The following NKAIN2 variants were observed in gnomAD, a reference collection of about 807,000 sequenced individuals.
NKAIN2 encodes sodium/potassium-transporting ATPase subunit beta-1-interacting protein 2.
A neutral mutation model predicts 32.6 loss-of-function variants in NKAIN2; 14 were observed. That is an observed-to-expected ratio of 0.43 (90% confidence interval 0.28 to 0.67). The LOEUF is 0.67. Ranked by LOEUF, NKAIN2 falls within the 30% of genes least tolerant of loss-of-function variation. The pLI, the probability that NKAIN2 is intolerant of heterozygous loss-of-function variation, is 0.17. For missense variants in NKAIN2, 198 were observed against 258.3 expected, an observed-to-expected ratio of 0.77 and a Z score of 1.60; for synonymous variants, 80 against 87.2, an observed-to-expected ratio of 0.92 and a Z score of 0.46.
At chr6:123,900,570 G>GT (rs1774529771) in intron 1 of NKAIN2, among the ~76,000 whole-genome samples, 1 of 8,294 alleles carries the variant, frequency 1.2e-4, no homozygotes, top group Non-Finnish European at 1.1e-3. Flanking sequence ...TTTTTTTTTT[G>GT]GTGACTTCAG....
intron 2 of NKAIN2, among the ~76,000 whole-genome samples, chr6:124,340,587 A>T (rs1250771119): frequency 6.6e-6 from 1 of 152,048 alleles, no homozygotes; most frequent in East Asian, 1.9e-4. Context: ...TGTATTCATA[A>T]GTTTTCATCA....
intron 3 of NKAIN2, among the ~76,000 whole-genome samples, chr6:124,446,849 C>T (rs1216126457): frequency 2.0e-5 from 3 of 152,068 alleles, no homozygotes; most frequent in Non-Finnish European, 4.4e-5. Flanking sequence ...ATTCTGTCCA[C>T]AAGGGGACAT....
rs189872409 is a variant in NKAIN2, at chr6:123,812,710, C to T, written c.54+8456C>T. 2.0e-5 allele frequency among the ~76,000 whole-genome samples: 3 copies of T among 152,290 alleles called. No homozygotes were observed. The East Asian group carries it at 5.8e-4, about 29-fold the overall frequency. On this transcript the variant is annotated intron_variant, in intron 1 of 6. Transcript: ENST00000368417. Reference sequence around the variant, plus strand: ...CTAGGCAGGCTAGCTTTTCCAGCATCTCAGCCTACATATTTGCCTTAGGCG... The same window carrying T: ...CTAGGCAGGCTAGCTTTTCCAGCATTTCAGCCTACATATTTGCCTTAGGCG...
At chr6:123,881,681 CA>C (rs1228800141) in intron 1 of NKAIN2, among the ~76,000 whole-genome samples, 1 of 152,024 alleles carries the variant, frequency 6.6e-6, no homozygotes, top group African/African-American at 2.4e-5. Flanking sequence ...AATGATTTAT[CA>C]TAGTAATAAA....
chr6:124,120,942 A>G (rs1785850134), intron 1 of NKAIN2, among the ~76,000 whole-genome samples: 1 of 152,168 alleles, frequency 6.6e-6, no homozygotes, highest in Non-Finnish European at 1.5e-5. Flanking sequence ...AAAGAAACTG[A>G]TACTCATGGT....
chr6:124,013,672 A>G (rs1780438669), intron 1 of NKAIN2, among the ~76,000 whole-genome samples: 1 of 152,206 alleles, frequency 6.6e-6, no homozygotes, highest in Non-Finnish European at 1.5e-5. Context: ...ATGGCAAAAG[A>G]GACTTGCAGA....
At chr6:124,750,270 C>G (rs1396842206) in intron 4 of NKAIN2, among the ~76,000 whole-genome samples, 1 of 151,914 alleles carries the variant, frequency 6.6e-6, no homozygotes, top group East Asian at 1.9e-4. Flanking sequence ...AAGTTCACCA[C>G]TTCTGTCACA....
At chr6:124,384,455 C>T (rs945244085) in intron 3 of NKAIN2, among the ~76,000 whole-genome samples, 2 of 152,064 alleles carry the variant, frequency 1.3e-5, no homozygotes, top group Non-Finnish European at 2.9e-5. Context: ...CTTTTTGAGA[C>T]CGCATTGATA....
chr6:124,407,896 T>C (rs2114481878), intron 3 of NKAIN2, among the ~76,000 whole-genome samples: 1 of 149,136 alleles, frequency 6.7e-6, no homozygotes, highest in East Asian at 2.0e-4. Context: ...TTCTAACTGG[T>C]GTGAGATGGT....
intron 1 of NKAIN2, among the ~76,000 whole-genome samples, chr6:123,954,635 C>T (rs1487370563): frequency 1.3e-5 from 2 of 152,190 alleles, no homozygotes; most frequent in Admixed American, 1.3e-4. Context: ...GCTAGCCAGC[C>T]ATCTTGGAGA....
At chr6:123,885,927 G>A (rs1773690127) in intron 1 of NKAIN2, among the ~76,000 whole-genome samples, 1 of 150,382 alleles carries the variant, frequency 6.6e-6, no homozygotes, top group Non-Finnish European at 1.5e-5. Flanking sequence ...GAAAAATCCA[G>A]GTGAGTTAGA....
chr6:124,045,285 C>T (rs1371182142), intron 1 of NKAIN2, among the ~76,000 whole-genome samples: 8 of 151,824 alleles, frequency 5.3e-5, no homozygotes, highest in Admixed American at 5.3e-4. Context: ...TTTTTCTTCA[C>T]TGATCTGTTA....
intron 1 of NKAIN2, among the ~76,000 whole-genome samples, chr6:124,133,843 G>A (rs1786597684): frequency 6.6e-6 from 1 of 151,316 alleles, no homozygotes. Flanking sequence ...TCCTTACGAG[G>A]GGAAAAAAGA....
intron 4 of NKAIN2, among the ~76,000 whole-genome samples, chr6:124,706,760 A>G (rs1775094325): frequency 6.6e-6 from 1 of 152,156 alleles, no homozygotes; most frequent in Non-Finnish European, 1.5e-5. Context: ...CTGGCATGTA[A>G]TGACTGTCCA....
intron 2 of NKAIN2, among the ~76,000 whole-genome samples, chr6:124,283,774 G>A (rs1795418477): frequency 6.6e-6 from 1 of 151,916 alleles, no homozygotes; most frequent in African/African-American, 2.4e-5. Flanking sequence ...TTTTGTATGT[G>A]CCTCAGATCT....
intron 1 of NKAIN2, among the ~76,000 whole-genome samples, chr6:124,018,960 A>G (rs1780729234): frequency 6.6e-6 from 1 of 152,190 alleles, no homozygotes; most frequent in Non-Finnish European, 1.5e-5. Flanking sequence ...AAAGAGGTTT[A>G]ATGGATTCAC....
intron 3 of NKAIN2, among the ~76,000 whole-genome samples, chr6:124,373,386 A>G (rs1799852489): frequency 6.6e-6 from 1 of 152,126 alleles, no homozygotes; most frequent in Non-Finnish European, 1.5e-5. Context: ...TTTTGTCAAC[A>G]TCAAGTCTTG....
chr6:124,520,744 A>G (rs1239813793), intron 3 of NKAIN2, among the ~76,000 whole-genome samples: 17 of 152,156 alleles, frequency 1.1e-4, no homozygotes, highest in Admixed American at 6.5e-5. Context: ...GGAAATCCCT[A>G]TGTGCTACAA....
At chr6:124,139,078 A>AT (rs1161013269) in intron 1 of NKAIN2, among the ~76,000 whole-genome samples, 2,881 of 73,054 alleles carry the variant, frequency 0.039, 57 homozygotes, top group Middle Eastern at 0.055. Context: ...TTTAAATAAA[A>AT]ATTTTTTTTT....
Sources: allele counts gnomAD v4.1 joint callset (sites outside exome capture counted in the v4.1 genomes callset), GRCh38; gene constraint gnomAD v4.1.1; transcripts MANE v1.5; gene names NCBI Gene and HGNC (gene_info 2026-07-23, HGNC 2026-07-21).